The following NIPSNAP3B variants were observed in gnomAD, a reference collection of about 807,000 sequenced individuals.
The protein encoded by NIPSNAP3B is protein NipSnap homolog 3B.
A neutral mutation model predicts 31.5 loss-of-function variants in NIPSNAP3B; 30 were observed. That is an observed-to-expected ratio of 0.95 (90% CI 0.71 to 1.29). NIPSNAP3B has a LOEUF of 1.29. Ranked by LOEUF, NIPSNAP3B falls within the 50% of genes most tolerant of loss-of-function variation. The pLI, the probability that NIPSNAP3B is intolerant of heterozygous loss-of-function variation, is 0.00. For missense variants in NIPSNAP3B, 269 were observed against 300.7 expected, an observed-to-expected ratio of 0.89 and a Z score of 0.78; for synonymous variants, 106 against 107.9, an observed-to-expected ratio of 0.98 and a Z score of 0.11.
At chr9:104,768,640 C>T (rs1828138060) in intron 2 of NIPSNAP3B, among the ~76,000 whole-genome samples, 1 of 152,124 alleles carries the variant, frequency 6.6e-6, no homozygotes, top group African/African-American at 2.4e-5. Flanking sequence ...CTATAAAGCC[C>T]ATTCTATGTC....
At chr9:104,772,453 G>C (rs192691868) in intron 4 of NIPSNAP3B, among the ~76,000 whole-genome samples, 97 of 151,962 alleles carry the variant, frequency 6.4e-4, no homozygotes, top group African/African-American at 2.3e-3. Flanking sequence ...GGTTTATCTA[G>C]GCAGTTAAGA....
chr9:104,768,830 A>G (rs2118789234), intron 2 of NIPSNAP3B, 33 bp from the exon 3 acceptor site: 1 of 1,576,654 alleles, frequency 6.3e-7, no homozygotes. Flanking sequence ...TTTTAAATAA[A>G]AAAACATTTT....
Position 104,766,424 on chromosome 9 carries a change from G to T in NIPSNAP3B, c.160G>T (p.Glu54Ter). The T allele has an allele frequency of 6.2e-7, 1 of 1,613,814 alleles. No individual in the cohort carries two copies. The highest frequency in any genetic ancestry group is 1.1e-5 in the South Asian group (1 of 91,074). The change falls in exon 2 of 6, where the codon GAA (glutamate) becomes TAA (stop). Residue 54 changes from glutamate to a stop codon, truncating the protein, a stop_gained. Transcript: ENST00000374762. LOFTEE classifies it high-confidence loss of function. ...ACCTTCAAATATGAATGCGTTCATG[G>T]AAAATCTTAAGAAAAACATTCATCT... ...LKPSNMNAFM[E>*]NLKKNIHLRT...
Position 104,774,999 on chromosome 9 carries a change from C to T in NIPSNAP3B, c.*1926C>T, listed in dbSNP as rs1828303333. On this transcript the variant is annotated 3_prime_UTR_variant, in exon 6 of 6. Transcript: ENST00000374762. ...CCGTCTGCCCGCTTTCTACAGCCAA[C>T]CCCACATGCCCTGCCTTCTCTCCTT... Among the ~76,000 whole-genome samples the T allele has an allele frequency of 6.6e-6, 1 of 151,982 alleles. No homozygotes were observed. Among genetic ancestry groups the T allele is most frequent in the African/African-American group, 2.4e-5 (1 of 41,364 alleles).
In NIPSNAP3B at chr9:104,772,828, T is replaced by C. The variant is rs1828252970; in HGVS notation, c.587T>C (p.Val196Ala). 3 of 1,612,580 alleles carry C rather than the reference T, an allele frequency of 1.9e-6. No individual in the cohort carries two copies. The Admixed American group carries it at 5.0e-5, about 27-fold the overall frequency. ...TEYGELNRVHVLWWNESADSR... is the reference protein window; with the variant it reads ...TEYGELNRVHALWWNESADSR... ...TTGTGGTTTATTTCTGCAGTTCATG[T>C]TCTTTGGTGGAATGAGAGTGCAGAT... Residue 196 changes from valine (V) to alanine (A), a missense_variant, in exon 5 of 6, where the codon GTT (valine) becomes GCT (alanine). By Grantham distance (64) the Val-to-Ala change is moderately conservative (BLOSUM62 0). Transcript: ENST00000374762.
At chr9:104,788,215 T>C in the NIPSNAP3B span, among the ~76,000 whole-genome samples, 1 of 152,188 alleles carries the variant, frequency 6.6e-6, no homozygotes, top group Admixed American at 6.5e-5. Flanking sequence ...GGGACTCGTG[T>C]GGTGGGAGCA....
chr9:104,772,524 A>G (rs1282286060), intron 4 of NIPSNAP3B, among the ~76,000 whole-genome samples: 1 of 152,090 alleles, frequency 6.6e-6, no homozygotes, highest in Non-Finnish European at 1.5e-5. Flanking sequence ...ACAATTTTTT[A>G]TAATCTGCTT....
intron 1 of NIPSNAP3B, among the ~76,000 whole-genome samples, 167 bp from the exon 2 acceptor site, chr9:104,766,158 C>A (rs1828085639): frequency 6.6e-6 from 1 of 152,162 alleles, no homozygotes; most frequent in Admixed American, 6.5e-5. Context: ...GAGTAGTTAT[C>A]TTTATTGACA....
At chr9:104,786,124 T>C in the NIPSNAP3B span, among the ~76,000 whole-genome samples, 2 of 152,188 alleles carry the variant, frequency 1.3e-5, no homozygotes, top group African/African-American at 2.4e-5. Flanking sequence ...AACCAGTAAA[T>C]GGTAAAGACA....
In NIPSNAP3B at chr9:104,766,489, A is replaced by C. The variant is rs113913269; in HGVS notation, c.225A>C (p.Val75=). The change falls in exon 2 of 6, where the codon GTA becomes GTC. Residue 75 remains valine (V), a synonymous_variant. Transcript: ENST00000374762. ...SYSELVGFWS[V]EFGGRTNKVF... ...CTGAATTGGTTGGATTCTGGAGTGT[A>C]GAATTTGGAGGCAGAACGAATAAAG... 1 of 1,613,774 alleles carries C rather than the reference A, an allele frequency of 6.2e-7. No homozygotes were observed. The highest frequency in any genetic ancestry group is 1.7e-5 in the Admixed American group (1 of 60,024).
At chr9:104,779,379 GTTAAA>G (rs995417309), downstream of NIPSNAP3B, among the ~76,000 whole-genome samples, 10 of 152,208 alleles carry the variant, frequency 6.6e-5, no homozygotes, top group East Asian at 1.2e-3. Flanking sequence ...ATAAATATTT[GTTAAA>G]TTAATGTATA....
chr9:104,777,942 C>G (rs1828371448), downstream of NIPSNAP3B, among the ~76,000 whole-genome samples: 1 of 152,200 alleles, frequency 6.6e-6, no homozygotes, highest in South Asian at 2.1e-4. Flanking sequence ...TTAACAAATT[C>G]AATAGCCATT....
chr9:104,766,316 C>G lies in NIPSNAP3B; in HGVS notation c.61-9C>G. 1.2e-6 allele frequency: 2 copies of G among 1,609,876 alleles called. No homozygotes were observed. The highest frequency in any genetic ancestry group is 1.7e-6 in the Non-Finnish European group (2 of 1,176,920). ...CCCAAGATATTTACATTTGTCTTACCTCCTTCAGGTGTGTTCATCTTTTGC... is the reference window on the plus strand; with the variant it reads ...CCCAAGATATTTACATTTGTCTTACGTCCTTCAGGTGTGTTCATCTTTTGC... On this transcript the variant is annotated splice_polypyrimidine_tract_variant and intron_variant, in intron 1 of 5. Transcript: ENST00000374762.
chr9:104,770,803 T>A (rs367935711), intron 3 of NIPSNAP3B, 46 bp from the exon 4 acceptor site: 1 of 1,573,184 alleles, frequency 6.4e-7, no homozygotes, highest in Non-Finnish European at 8.7e-7. Context: ...GGTTAGAAAT[T>A]GTTTGAATGT....
At position 104,775,315 on chromosome 9, in the gene NIPSNAP3B, A is replaced by G. The variant is rs190767338; in HGVS notation, c.*2242A>G. On this transcript the variant is annotated 3_prime_UTR_variant, in exon 6 of 6. Coordinates refer to ENST00000374762, the MANE Select transcript of NIPSNAP3B (RefSeq NM_018376.4). Reference sequence around the variant, plus strand: ...ATTATCTCTTAAACATTCTCTGATCACGCCAGCCAAATTGCTCTTGTCAAC... The same window carrying G: ...ATTATCTCTTAAACATTCTCTGATCGCGCCAGCCAAATTGCTCTTGTCAAC... Among the ~76,000 whole-genome samples, 178 of 151,792 alleles carry G rather than the reference A, an allele frequency of 1.2e-3. No homozygotes were observed. Among genetic ancestry groups the G allele is most frequent in the Non-Finnish European group, 2.0e-3 (137 of 67,966 alleles).
chr9:104,767,732 C>G (rs1029881770), intron 2 of NIPSNAP3B, among the ~76,000 whole-genome samples: 7 of 152,150 alleles, frequency 4.6e-5, no homozygotes, highest in Admixed American at 4.6e-4. Flanking sequence ...AGGTGAGCCA[C>G]AAGTTTAATT....
Position 104,773,279 on chromosome 9 carries a change from A to G in NIPSNAP3B, c.*206A>G. 1.7e-6 allele frequency: 1 copy of G among 576,298 alleles called. No individual in the cohort carries two copies. The highest frequency in any genetic ancestry group is 3.1e-6 in the Non-Finnish European group (1 of 326,596). The allele number at this position is 576,298 out of a possible 1,614,324, so 35.7% of individuals were successfully genotyped here. On this transcript the variant is annotated 3_prime_UTR_variant, in exon 6 of 6. Coordinates refer to ENST00000374762, the MANE Select transcript of NIPSNAP3B (RefSeq NM_018376.4). Reference sequence around the variant, plus strand: ...CAGTTCACTTTCACCTTGGCATTTCAGTATCTGTTACACATTAGAAGTAGT... The same window carrying G: ...CAGTTCACTTTCACCTTGGCATTTCGGTATCTGTTACACATTAGAAGTAGT...
At position 104,776,255 on chromosome 9, in the gene NIPSNAP3B, C is replaced by T. The variant is rs1373584890; in HGVS notation, c.*3182C>T. Among the ~76,000 whole-genome samples, 1 of 152,182 alleles carries T rather than the reference C, an allele frequency of 6.6e-6. No homozygotes were observed. The highest frequency in any genetic ancestry group is 1.5e-5 in the Non-Finnish European group (1 of 68,030). On this transcript the variant is annotated 3_prime_UTR_variant, in exon 6 of 6. Coordinates refer to ENST00000374762, the MANE Select transcript of NIPSNAP3B (RefSeq NM_018376.4). Reference sequence around the variant, plus strand: ...TCCCACTGCCTCTGCCTGGAATGCTCTTCCCCAGACATGCATCTGCGTGGA... The same window carrying T: ...TCCCACTGCCTCTGCCTGGAATGCTTTTCCCCAGACATGCATCTGCGTGGA...
the NIPSNAP3B span, among the ~76,000 whole-genome samples, chr9:104,786,593 G>A: frequency 1.3e-5 from 2 of 152,148 alleles, no homozygotes; most frequent in South Asian, 2.1e-4. Flanking sequence ...ACAAAAGGGG[G>A]AATAGTTAAA....
Sources: gnomAD v4.1 joint callset for allele counts (sites outside exome capture counted in the v4.1 genomes callset) on GRCh38, gnomAD v4.1.1 for gene constraint, MANE v1.5 for transcripts, NCBI Gene and HGNC (gene_info 2026-07-23, HGNC 2026-07-21) for gene names.